The following CPXM2 variants were observed in gnomAD, a reference collection of about 807,000 sequenced individuals.
CPXM2 encodes carboxypeptidase X, M14 family member 2, also known as inactive carboxypeptidase-like protein X2.
Under a neutral mutation model 86.1 loss-of-function variants are expected in CPXM2, and 66 were observed. That is an observed-to-expected ratio of 0.77 (90% confidence interval 0.63 to 0.94). CPXM2 has a LOEUF of 0.94. Ranked by LOEUF, CPXM2 falls within the 40% of genes least tolerant of loss-of-function variation. The pLI, the probability that CPXM2 is intolerant of heterozygous loss-of-function variation, is 0.00. For missense variants in CPXM2, 948 were observed against 1,026.3 expected, an observed-to-expected ratio of 0.92 and a Z score of 1.04; for synonymous variants, 388 against 400.2, an observed-to-expected ratio of 0.97 and a Z score of 0.36.
chr10:123,840,810 C>CTTTTTTA (rs1361014586), intron 4 of CPXM2, among the ~76,000 whole-genome samples: 2 of 152,198 alleles, frequency 1.3e-5, no homozygotes, highest in African/African-American at 2.4e-5. Flanking sequence ...AGAAAGTCCC[C>CTTTTTTA]TTTGCAGGGA....
chr10:123,752,667 C>T, intron 13 of CPXM2: 2 of 973,448 alleles, frequency 2.1e-6, no homozygotes, highest in Non-Finnish European at 2.4e-6. Flanking sequence ...CCTCTCCTCC[C>T]TGTTCAAGAA....
chr10:123,882,117 TAAATCTTCA>T (rs1252379940), intron 1 of CPXM2, among the ~76,000 whole-genome samples: 5 of 152,222 alleles, frequency 3.3e-5, no homozygotes, highest in Non-Finnish European at 4.4e-5. Context: ...AAGAAAACCT[TAAATCTTCA>T]AGAAATTCAA....
At chr10:123,751,128 A>G in intron 13 of CPXM2, 12 of 917,540 alleles carry the variant, frequency 1.3e-5, no homozygotes, top group Non-Finnish European at 1.6e-5. Context: ...GTATGCAGAC[A>G]CAGGTATTTT....
In CPXM2 at chr10:123,761,591, G is replaced by A. The variant is rs113202607; in HGVS notation, c.1777+281C>T. Among the ~76,000 whole-genome samples the A allele has an allele frequency of 6.1e-3, 932 of 152,296 alleles. 6 individuals are homozygous for A. The highest frequency in any genetic ancestry group is 9.5e-3 in the Non-Finnish European group (643 of 68,012). On this transcript the variant is annotated intron_variant, in intron 11 of 13. Coordinates refer to ENST00000241305, the MANE Select transcript of CPXM2 (RefSeq NM_198148.3). ...GCTTGGAGGCTAAGCACAGGCCACG[G>A]AGTCAGAGACCCCAGCCCTGTGCCT...
intron 13 of CPXM2, among the ~76,000 whole-genome samples, chr10:123,749,445 C>G (rs57281916): frequency 0.013 from 2,049 of 152,300 alleles, 52 homozygotes; most frequent in African/African-American, 0.046. Context: ...AGAAGCCCTC[C>G]CTGCCCCCTC....
At chr10:123,773,221 ATT>A (rs1234159413) in intron 7 of CPXM2, among the ~76,000 whole-genome samples, 2 of 111,344 alleles carry the variant, frequency 1.8e-5, no homozygotes, top group Non-Finnish European at 3.9e-5. Context: ...CAGCTCCCTC[ATT>A]GTGGTTATCA....
chr10:123,781,337 T>G (rs1350090334), intron 6 of CPXM2, among the ~76,000 whole-genome samples: 1 of 152,160 alleles, frequency 6.6e-6, no homozygotes, highest in East Asian at 1.9e-4. Context: ...GTTTATATAG[T>G]TACAAAACCC....
rs769458297 is a variant in CPXM2 at position 123,780,269 on chromosome 10, C to T, written c.890-14G>A. On this transcript the variant is annotated splice_polypyrimidine_tract_variant and intron_variant, in intron 6 of 13. Coordinates refer to ENST00000241305, the MANE Select transcript of CPXM2 (RefSeq NM_198148.3). Reference sequence around the variant, plus strand: ...AATTATTAGGATCTAGGGACAGAAACATGATTTTGCATTTACTCCCATCAT... The same window carrying T: ...AATTATTAGGATCTAGGGACAGAAATATGATTTTGCATTTACTCCCATCAT... The T allele has an allele frequency of 1.3e-5, 20 of 1,510,156 alleles. No individual in the cohort carries two copies. Among genetic ancestry groups the T allele is most frequent in the Non-Finnish European group, 1.8e-5 (19 of 1,085,680 alleles). The allele number at this position is 1,510,156 out of a possible 1,614,324, so 93.5% of individuals were successfully genotyped here.
intron 2 of CPXM2, among the ~76,000 whole-genome samples, chr10:123,869,335 T>G (rs1382559171): frequency 6.6e-6 from 1 of 152,124 alleles, no homozygotes; most frequent in Non-Finnish European, 1.5e-5. Flanking sequence ...CAAGACGAGC[T>G]CCCCATTTCT....
rs550544779 is a variant in CPXM2 at position 123,754,079 on chromosome 10, T to G, written c.2017+584A>C. On this transcript the variant is annotated intron_variant, in intron 13 of 13. Transcript: ENST00000241305. This position sits in a 1 kb window ranked among gnomAD's most constrained non-coding sequence, Gnocchi z 4.0. The stretch of plus-strand genomic sequence containing the variant: ...ACGTTTATTGTTACTGTTATTCTTA[T>G]CCTACCCTTCACATTACAGACACCT... Among the ~76,000 whole-genome samples the G allele has an allele frequency of 1.1e-4, 16 of 152,230 alleles. No individual in the cohort carries two copies. Among genetic ancestry groups the G allele is most frequent in the African/African-American group, 3.9e-4 (16 of 41,460 alleles).
At chr10:123,842,695 A>G (rs953229423) in intron 3 of CPXM2, among the ~76,000 whole-genome samples, 2 of 152,200 alleles carry the variant, frequency 1.3e-5, no homozygotes, top group Non-Finnish European at 2.9e-5. Context: ...AAATATTTCA[A>G]TATACCATGT....
rs1944913850 is a variant in CPXM2, at chr10:123,872,752, G to A, written c.403+7459C>T. 1.3e-5 allele frequency among the ~76,000 whole-genome samples: 2 copies of A among 152,112 alleles called. 1 individual carries two copies. Among genetic ancestry groups the A allele is most frequent in the Admixed American group, 1.3e-4 (2 of 15,270 alleles). The stretch of plus-strand genomic sequence containing the variant: ...AAGAATGAACACTAATGTACAGTCT[G>A]TGCAGAACAAAAAATTCCACCAAAA... On this transcript the variant is annotated intron_variant, in intron 2 of 13. Transcript: ENST00000241305.
Position 123,746,577 on chromosome 10 carries a change from G to C in CPXM2, c.*187C>G. 3.2e-6 allele frequency: 2 copies of C among 629,018 alleles called. No individual in the cohort carries two copies. Among genetic ancestry groups the C allele is most frequent in the South Asian group, 4.0e-5 (2 of 50,126 alleles). The allele number at this position is 629,018 out of a possible 1,614,324, so 39.0% of individuals were successfully genotyped here. ...CTGTCCAAGTTATTTGGATAAATGG[G>C]AACAAAGAAAAGAAAACAGCCTCAG... On this transcript the variant is annotated 3_prime_UTR_variant, in exon 14 of 14. Coordinates refer to ENST00000241305, the MANE Select transcript of CPXM2 (RefSeq NM_198148.3).
chr10:123,787,180 C>T (rs1026944544), intron 6 of CPXM2, among the ~76,000 whole-genome samples: 4 of 152,114 alleles, frequency 2.6e-5, no homozygotes, highest in African/African-American at 9.7e-5. Context: ...GGGCTGTGAG[C>T]TATGCTGGGG....
rs144412439 is a variant in CPXM2 at position 123,768,669 on chromosome 10, G to A, written c.1156C>T (p.Arg386Trp). The change falls in exon 9 of 14, where the codon CGG becomes TGG. Residue 386 changes from arginine to tryptophan, a missense_variant. Transcript: ENST00000241305. ...AGAHGNEVLG[R>W]ELLLLLVQFV... ...TGCACCAGCAGCAGCAGCAGCTCCC[G>A]GCCCAGCACCTCATTGCCGTGGGCC... 1.1e-4 allele frequency: 174 copies of A among 1,612,696 alleles called. No individual in the cohort carries two copies. The highest frequency in any genetic ancestry group is 1.6e-4 in the Middle Eastern group (1 of 6,084).
At chr10:123,923,239 T>C (rs547237675) in intron 2 of CPXM2, among the ~76,000 whole-genome samples, 169 of 152,328 alleles carry the variant, frequency 1.1e-3, no homozygotes, top group African/African-American at 3.9e-3. Flanking sequence ...GATTTAGAGA[T>C]ATAACAAGCA....
intron 4 of CPXM2, among the ~76,000 whole-genome samples, chr10:123,811,137 TTTTTTC>T: frequency 1.6e-5 from 2 of 122,900 alleles, no homozygotes; most frequent in African/African-American, 5.8e-5. Flanking sequence ...AATCATTTTT[TTTTTTC>T]TTTTTTCTTT....
chr10:123,829,892 T>C (rs1848127818), intron 4 of CPXM2, among the ~76,000 whole-genome samples: 1 of 151,702 alleles, frequency 6.6e-6, no homozygotes, highest in Non-Finnish European at 1.5e-5. Flanking sequence ...GGGGTGGCAT[T>C]TCGGTTGGAA....
upstream of CPXM2, among the ~76,000 whole-genome samples, chr10:123,940,899 C>T (rs184220864): frequency 1.8e-4 from 28 of 152,302 alleles, no homozygotes; most frequent in Admixed American, 3.9e-4. Flanking sequence ...GGGCCGGACA[C>T]GGTGGCTCAC....
Sources: gnomAD v4.1 joint callset for allele counts (sites outside exome capture counted in the v4.1 genomes callset) on GRCh38, gnomAD v4.1.1 for gene constraint, Gnocchi (gnomAD v3.1) non-coding constraint, MANE v1.5 for transcripts, NCBI Gene and HGNC (gene_info 2026-07-23, HGNC 2026-07-21) for gene names.